The following CDKAL1 variants were observed in gnomAD, a reference collection of about 807,000 sequenced individuals.
CDKAL1 encodes the protein threonylcarbamoyladenosine tRNA methylthiotransferase.
In CDKAL1, 32 loss-of-function variants were observed where a neutral mutation model predicts 68.2. The observed-to-expected ratio is 0.47, with a 90% CI of 0.35 to 0.63. CDKAL1 has a LOEUF of 0.63. CDKAL1 is among the 30% of genes least tolerant of loss of function. The pLI is 0.00. For synonymous variants in CDKAL1, 234 were observed against 244.3 expected (o/e 0.96, Z 0.39); for missense variants, 606 against 696.7 (o/e 0.87, Z 1.47).
chr6:21,146,182 G>A (rs562620122), intron 13 of CDKAL1, among the ~76,000 whole-genome samples: 1 of 152,200 alleles, frequency 6.6e-6, no homozygotes, highest in Non-Finnish European at 1.5e-5. Flanking sequence ...TTAGGTATCA[G>A]GGACCAGGCA....
intron 9 of CDKAL1, among the ~76,000 whole-genome samples, chr6:20,935,560 G>A (rs745438700): frequency 6.6e-6 from 1 of 151,876 alleles, no homozygotes; most frequent in Non-Finnish European, 1.5e-5. Context: ...CTCCTGAGTA[G>A]CTGGGCTTAT....
intron 9 of CDKAL1, among the ~76,000 whole-genome samples, chr6:20,937,471 C>A (rs1384372516): frequency 6.6e-6 from 1 of 152,174 alleles, no homozygotes; most frequent in Non-Finnish European, 1.5e-5. Context: ...ATGTAATCTG[C>A]AGACCCTATC....
At chr6:21,041,419 T>G (rs1242473072) in intron 11 of CDKAL1, among the ~76,000 whole-genome samples, 1 of 152,184 alleles carries the variant, frequency 6.6e-6, no homozygotes, top group Non-Finnish European at 1.5e-5. Context: ...ATTGGAAATA[T>G]GCACACCATC....
chr6:20,566,438 T>C (rs1426605040), intron 4 of CDKAL1, among the ~76,000 whole-genome samples: 1 of 152,160 alleles, frequency 6.6e-6, no homozygotes, highest in Non-Finnish European at 1.5e-5. Flanking sequence ...AAGAAAAATG[T>C]ATCTCAGAAT....
chr6:20,823,356 T>G (rs972742689), intron 8 of CDKAL1, among the ~76,000 whole-genome samples: 3 of 152,176 alleles, frequency 2.0e-5, no homozygotes, highest in Non-Finnish European at 4.4e-5. Context: ...GATGACATAG[T>G]GTTTTGCATA....
intron 4 of CDKAL1, among the ~76,000 whole-genome samples, chr6:20,632,705 T>C (rs79240576): frequency 6.6e-6 from 1 of 152,376 alleles, no homozygotes; most frequent in Non-Finnish European, 1.5e-5. Context: ...ATTTATTCTT[T>C]TATTATTCAT....
At chr6:20,788,421 TG>T (rs1164903644) in intron 8 of CDKAL1, among the ~76,000 whole-genome samples, 1 of 152,236 alleles carries the variant, frequency 6.6e-6, no homozygotes, top group Non-Finnish European at 1.5e-5. Flanking sequence ...CATGTTCTTC[TG>T]TAAGCTTTAT....
chr6:20,971,778 G>A (rs957617734), intron 10 of CDKAL1, among the ~76,000 whole-genome samples: 6 of 152,132 alleles, frequency 3.9e-5, no homozygotes, highest in African/African-American at 1.4e-4. Flanking sequence ...TCACATGTAA[G>A]TCATCTGAAA....
intron 5 of CDKAL1, among the ~76,000 whole-genome samples, chr6:20,707,249 G>T (rs143732626): frequency 1.3e-5 from 2 of 152,224 alleles, no homozygotes; most frequent in Admixed American, 1.3e-4. Context: ...CAGTGTTTTG[G>T]GTCTTTCCTT....
At chr6:20,765,499 T>C (rs1408701123) in intron 7 of CDKAL1, among the ~76,000 whole-genome samples, 4 of 152,312 alleles carry the variant, frequency 2.6e-5, no homozygotes, top group African/African-American at 7.2e-5. Flanking sequence ...TTTGCTATCC[T>C]CTTTTCTTTA....
At chr6:21,153,123 A>G (rs1776490723) in intron 13 of CDKAL1, among the ~76,000 whole-genome samples, 1 of 151,720 alleles carries the variant, frequency 6.6e-6, no homozygotes, top group Non-Finnish European at 1.5e-5. Context: ...TAATTTGTAT[A>G]TGTCCCCAAT....
intron 5 of CDKAL1, among the ~76,000 whole-genome samples, chr6:20,724,422 A>G (rs1772543613): frequency 1.3e-5 from 2 of 152,070 alleles, no homozygotes; most frequent in African/African-American, 4.8e-5. Context: ...TACATGGCCA[A>G]TTCTAAATTT....
chr6:20,939,235 C>T (rs1763864532), intron 9 of CDKAL1, among the ~76,000 whole-genome samples: 1 of 152,132 alleles, frequency 6.6e-6, no homozygotes, highest in East Asian at 1.9e-4. Context: ...TACTTCTCTC[C>T]ACTTTTTTCT....
At chr6:20,731,416 C>T (rs1772919872) in intron 5 of CDKAL1, among the ~76,000 whole-genome samples, 1 of 152,144 alleles carries the variant, frequency 6.6e-6, no homozygotes, top group African/African-American at 2.4e-5. Context: ...TATGTTGAAA[C>T]ATGGTATATT....
chr6:20,955,721 A>G (rs1057021974), intron 10 of CDKAL1, 136 bp downstream of exon 10: 1 of 673,540 alleles, frequency 1.5e-6, no homozygotes, highest in Non-Finnish European at 2.4e-6. Context: ...ATTTCCAAGA[A>G]TGAATCAAGA....
chr6:21,152,762 T>A (rs1776470904), intron 13 of CDKAL1, among the ~76,000 whole-genome samples: 1 of 152,262 alleles, frequency 6.6e-6, no homozygotes, highest in Non-Finnish European at 1.5e-5. Flanking sequence ...AAAACTGAAT[T>A]ACTTTTTGTC....
At chr6:20,651,081 T>C (rs7749464) in intron 5 of CDKAL1, among the ~76,000 whole-genome samples, 29,385 of 152,110 alleles carry the variant, frequency 0.19, 3,105 homozygotes, top group African/African-American at 0.26. Context: ...TTTTTTCTAA[T>C]TCTATGAAGA....
intron 4 of CDKAL1, among the ~76,000 whole-genome samples, chr6:20,635,006 G>GA (rs1283684226): frequency 6.8e-6 from 1 of 146,584 alleles, no homozygotes. Flanking sequence ...AAAGAAGAAA[G>GA]AAAAAAAGGA....
chr6:20,582,527 C>G (rs1406577662), intron 4 of CDKAL1, among the ~76,000 whole-genome samples: 2 of 152,086 alleles, frequency 1.3e-5, no homozygotes, highest in African/African-American at 4.8e-5. Context: ...TTTTTTTCCT[C>G]TCTAGAACCT....
Sources: gnomAD v4.1 joint callset for allele counts (sites outside exome capture counted in the v4.1 genomes callset) on GRCh38, gnomAD v4.1.1 for gene constraint, MANE v1.5 for transcripts, NCBI Gene and HGNC (gene_info 2026-07-23, HGNC 2026-07-21) for gene names.